Variants in C3orf52 observed in about 807,000 individuals in gnomAD.
The protein encoded by C3orf52 is chromosome 3 open reading frame 52, also known as TPA-induced transmembrane protein.
Under a neutral mutation model 24.8 loss-of-function variants are expected in C3orf52, and 22 were observed. The ratio of observed to expected loss-of-function variants is 0.89; its 90% CI spans 0.63 to 1.27. The LOEUF (loss-of-function observed/expected upper bound fraction) is 1.27, where lower values mean the gene tolerates loss of function less well. C3orf52 is among the 50% of genes most tolerant of loss of function. The probability of loss-of-function intolerance (pLI) is 0.00; values close to 1 mark genes in which losing one functional copy is unlikely to be tolerated. For missense variants in C3orf52, 265 were observed against 260.7 expected (o/e 1.02, Z -0.11); for synonymous variants, 93 against 100.2 (o/e 0.93, Z 0.43).
At chr3:112,101,912 C>T (rs552496214) in intron 2 of C3orf52, among the ~76,000 whole-genome samples, 7 of 152,278 alleles carry the variant, frequency 4.6e-5, no homozygotes, top group Non-Finnish European at 7.4e-5. Flanking sequence ...TAGCTTCTGG[C>T]GCCTGGCTCC....
Position 112,117,099 on chromosome 3 carries a change from G to C in C3orf52, c.*453G>C, listed in dbSNP as rs926323939. ...GCAGAGGTGCACTGTCTTCTTTTAGGTGGGATCGCGTAAGCATGAGCTGGT... is the reference window on the plus strand; with the variant it reads ...GCAGAGGTGCACTGTCTTCTTTTAGCTGGGATCGCGTAAGCATGAGCTGGT... On this transcript the variant is annotated 3_prime_UTR_variant, in exon 6 of 6. Coordinates refer to ENST00000264848, the MANE Select transcript of C3orf52 (RefSeq NM_024616.3). The C allele has an allele frequency of 1.5e-4, 96 of 623,116 alleles. No individual in the cohort carries two copies. Among genetic ancestry groups the C allele is most frequent in the Non-Finnish European group, 2.8e-6 (1 of 362,916 alleles). The allele number at this position is 623,116 out of a possible 1,614,324, so 38.6% of individuals were successfully genotyped here.
intron 5 of C3orf52, among the ~76,000 whole-genome samples, chr3:112,115,000 C>T (rs1422047956): frequency 2.6e-5 from 4 of 152,170 alleles, no homozygotes; most frequent in African/African-American, 9.7e-5. Flanking sequence ...TCAGCTGTTT[C>T]CCCAGGGCTT....
At chr3:112,127,104 A>G (rs762123727) in intron 4 of C3orf52, 19 of 979,718 alleles carry the variant, frequency 1.9e-5, no homozygotes, top group Non-Finnish European at 2.7e-5. Flanking sequence ...CAAGCCTACA[A>G]AACTTACTTT....
At chr3:112,129,337 A>G (rs2074399167), downstream of C3orf52, 2 of 152,204 alleles carry the variant, frequency 1.3e-5, no homozygotes, top group African/African-American at 4.8e-5. Flanking sequence ...CTGCTTACAC[A>G]TGGAGTTATA....
intron 2 of C3orf52, among the ~76,000 whole-genome samples, chr3:112,099,657 G>T (rs565319518): frequency 4.6e-5 from 7 of 152,162 alleles, no homozygotes; most frequent in African/African-American, 1.7e-4. Flanking sequence ...ATTATGTGAG[G>T]AAAATATATT....
intron 4 of C3orf52, chr3:112,123,322 C>T (rs1205827030): frequency 6.8e-7 from 1 of 1,476,888 alleles, no homozygotes; most frequent in Non-Finnish European, 9.0e-7. Flanking sequence ...GGTATACAAA[C>T]CATGCTCTGC....
chr3:112,087,598 T>C (rs1349293899), intron 1 of C3orf52, among the ~76,000 whole-genome samples: 1 of 152,242 alleles, frequency 6.6e-6, no homozygotes, highest in African/African-American at 2.4e-5. Context: ...TGTTCTACAT[T>C]GATTCCTGGA....
At chr3:112,114,374 G>T (rs1231626202) in intron 5 of C3orf52, among the ~76,000 whole-genome samples, 3 of 150,058 alleles carry the variant, frequency 2.0e-5, no homozygotes, top group African/African-American at 7.4e-5. Context: ...TGTGTGTGGA[G>T]TGAAGAGATT....
At position 112,116,898 on chromosome 3, in the gene C3orf52, G is replaced by C; in HGVS notation, c.*252G>C. 1.3e-6 allele frequency: 2 copies of C among 1,537,236 alleles called. No homozygotes were observed. Among genetic ancestry groups the C allele is most frequent in the Non-Finnish European group, 1.7e-6 (2 of 1,146,894 alleles). ...AAGCCAGCTAGGGTGGGGGCGATAG[G>C]GTCAGCGGGTATGTCCCACTGTTGG... On this transcript the variant is annotated 3_prime_UTR_variant, in exon 6 of 6. Transcript: ENST00000264848.
chr3:112,095,942 A>C (rs2073922321), intron 2 of C3orf52, among the ~76,000 whole-genome samples: 1 of 152,086 alleles, frequency 6.6e-6, no homozygotes, highest in East Asian at 1.9e-4. Flanking sequence ...TATGAATCAG[A>C]TATTTGTGGA....
At chr3:112,136,285 T>A in the C3orf52 span, among the ~76,000 whole-genome samples, 2 of 152,222 alleles carry the variant, frequency 1.3e-5, no homozygotes, top group Non-Finnish European at 2.9e-5. Flanking sequence ...AGGGGAAGAT[T>A]TCTTTCTGTT....
intron 3 of C3orf52, among the ~76,000 whole-genome samples, chr3:112,107,580 G>A (rs2074038104): frequency 6.6e-6 from 1 of 152,262 alleles, no homozygotes; most frequent in East Asian, 1.9e-4. Context: ...TCTTCACTGG[G>A]TAGTGTGGTC....
chr3:112,102,798 T>C, intron 2 of C3orf52, 40 bp from the exon 3 acceptor site: 1 of 1,512,638 alleles, frequency 6.6e-7, no homozygotes, highest in Non-Finnish European at 8.9e-7. Context: ...TGCAGGTGTT[T>C]ACTTTTGTTT....
downstream of C3orf52, chr3:112,120,885 A>G (rs2074181608): frequency 1.3e-5 from 2 of 152,216 alleles, no homozygotes; most frequent in African/African-American, 4.8e-5. Context: ...GAGACATCCT[A>G]CATATTAAGT....
intron 4 of C3orf52, among the ~76,000 whole-genome samples, chr3:112,127,464 A>G (rs2074353931): frequency 6.6e-6 from 1 of 152,210 alleles, no homozygotes; most frequent in Admixed American, 6.5e-5. Context: ...GAACACTGTA[A>G]AAAGACTCCC....
chr3:112,118,829 T>G (rs1487327196), downstream of C3orf52, among the ~76,000 whole-genome samples: 1 of 152,240 alleles, frequency 6.6e-6, no homozygotes, highest in Non-Finnish European at 1.5e-5. Flanking sequence ...CACTTAGATA[T>G]GGATAGAATG....
chr3:112,126,578 C>T (rs1228133132), intron 4 of C3orf52, among the ~76,000 whole-genome samples: 1 of 152,172 alleles, frequency 6.6e-6, no homozygotes, highest in African/African-American at 2.4e-5. Flanking sequence ...CATACTTGCC[C>T]CCGCCTCCCC....
At chr3:112,125,229 G>T (rs1231333358) in intron 4 of C3orf52, 3 of 1,564,672 alleles carry the variant, frequency 1.9e-6, no homozygotes, top group African/African-American at 2.7e-5. Flanking sequence ...TTATTACCTG[G>T]ATGGGAGTAG....
At chr3:112,130,902 G>A, downstream of C3orf52, 1 of 217,566 alleles carries the variant, frequency 4.6e-6, no homozygotes, top group South Asian at 8.5e-5. Context: ...GAAAGGTACT[G>A]GCTTTGTCTT....
Sources: allele counts gnomAD v4.1 joint callset (sites outside exome capture counted in the v4.1 genomes callset), GRCh38; gene constraint gnomAD v4.1.1; transcripts MANE v1.5; gene names NCBI Gene and HGNC (gene_info 2026-07-23, HGNC 2026-07-21).